The following ANKRD36B variants were observed in gnomAD, a reference collection of about 807,000 sequenced individuals.
ANKRD36B encodes ankyrin repeat domain-containing protein 36B.
A neutral mutation model predicts 135.7 loss-of-function variants in ANKRD36B; 37 were observed. That is an observed-to-expected ratio of 0.27 (90% CI 0.21 to 0.36). The LOEUF (loss-of-function observed/expected upper bound fraction) is 0.36, where lower values mean the gene tolerates loss of function less well. Ranked by LOEUF, ANKRD36B falls within the 10% of genes least tolerant of loss-of-function variation. The pLI, the probability that ANKRD36B is intolerant of heterozygous loss-of-function variation, is 1.00. For missense variants in ANKRD36B, 549 were observed against 1,037.1 expected (o/e 0.53, Z 6.46); for synonymous variants, 179 against 348.1 (o/e 0.51, Z 5.41).
At chr2:97,570,447 G>A (rs2081765257) in intron 6 of ANKRD36B, among the ~76,000 whole-genome samples, 1 of 152,326 alleles carries the variant, frequency 6.6e-6, no homozygotes, top group East Asian at 1.9e-4. Flanking sequence ...GTAGCTCACT[G>A]TACCTAAACT....
intron 4 of ANKRD36B, among the ~76,000 whole-genome samples, chr2:97,579,728 C>G (rs1342515264): frequency 8.0e-6 from 1 of 124,564 alleles, no homozygotes; most frequent in Admixed American, 7.9e-5. Flanking sequence ...TTCTTACATA[C>G]ATATGTGTGT....
At chr2:97,569,647 G>A (rs912589842) in intron 6 of ANKRD36B, among the ~76,000 whole-genome samples, 9 of 151,240 alleles carry the variant, frequency 6.0e-5, no homozygotes, top group African/African-American at 1.7e-4. Context: ...CTATGAACGT[G>A]AGGGGGGATG....
intron 1 of ANKRD36B, among the ~76,000 whole-genome samples, chr2:97,587,365 GAAGAA>G (rs2083083742): frequency 6.6e-6 from 1 of 152,078 alleles, no homozygotes; most frequent in Non-Finnish European, 1.5e-5. Context: ...TGCCAGAAAA[GAAGAA>G]ATGTTATATT....
intron 6 of ANKRD36B, among the ~76,000 whole-genome samples, chr2:97,562,913 C>A (rs966416092): frequency 6.6e-6 from 1 of 152,014 alleles, no homozygotes; most frequent in African/African-American, 2.4e-5. Context: ...GTTTGAGTAT[C>A]TATCATCTCT....
At position 97,547,607 on chromosome 2, in the gene ANKRD36B, G is replaced by C; in HGVS notation, c.1508C>G (p.Ala503Gly). The C allele has an allele frequency of 6.4e-7, 1 of 1,573,320 alleles. No homozygotes were observed. The highest frequency in any genetic ancestry group is 8.7e-7 in the Non-Finnish European group (1 of 1,154,044). Reference sequence around the variant, plus strand: ...AAGAGAATCTTTCTCGTCTCTTGTAGCCTGAATGGAATTTGAAATGAAATA... The same window carrying C: ...AAGAGAATCTTTCTCGTCTCTTGTACCCTGAATGGAATTTGAAATGAAATA... ...VSFEQPPGLKATRDEKDSLLN... is the reference protein window; with the variant it reads ...VSFEQPPGLKGTRDEKDSLLN... Residue 503 changes from alanine to glycine, a missense_variant and splice_region_variant, in exon 22 of 44, where the codon GCT becomes GGT. By Grantham distance (60) the Ala-to-Gly change is moderately conservative. Coordinates refer to ENST00000359901, the MANE Select transcript of ANKRD36B (RefSeq NM_001393939.1).
At position 97,548,986 on chromosome 2, in the gene ANKRD36B, G is replaced by A. The variant is rs570765136; in HGVS notation, c.1477+433C>T. Among the ~76,000 whole-genome samples the A allele has an allele frequency of 8.0e-4, 121 of 151,908 alleles. No homozygotes were observed. In the South Asian group the frequency reaches 0.013, roughly 16 times the overall value. On this transcript the variant is annotated intron_variant, in intron 20 of 43. Transcript: ENST00000359901. The stretch of plus-strand genomic sequence containing the variant: ...TGGGAAAATGATTGCTACACCAGGG[G>A]TCTCCTTAGTTCTCCTACAGTGTGT...
At chr2:97,540,669 C>T (rs2079107898) in intron 28 of ANKRD36B, among the ~76,000 whole-genome samples, 1 of 95,542 alleles carries the variant, frequency 1.0e-5, no homozygotes, top group Admixed American at 9.4e-5. Flanking sequence ...TTTAACTTGC[C>T]CGATAACAGA....
At position 97,539,056 on chromosome 2, in the gene ANKRD36B, A is replaced by G. The variant is rs1470138909; in HGVS notation, c.1988-693T>C. The stretch of plus-strand genomic sequence containing the variant: ...AGTATAATATATAAACCATATCAAA[A>G]AGTATAATAAATGATCAAATGACAA... On this transcript the variant is annotated intron_variant, in intron 30 of 43. Transcript: ENST00000359901. Among the ~76,000 whole-genome samples, 2 of 97,170 alleles carry G rather than the reference A, an allele frequency of 2.1e-5. 1 individual carries two copies. The highest frequency in any genetic ancestry group is 5.5e-5 in the Non-Finnish European group (2 of 36,530). The allele number at this position is 97,170 out of a possible 152,430, so 63.7% of individuals were successfully genotyped here.
At position 97,541,368 on chromosome 2, in the gene ANKRD36B, G is replaced by C. The variant is rs1209971870; in HGVS notation, c.1885+543C>G. Among the ~76,000 whole-genome samples, 37 of 95,990 alleles carry C rather than the reference G, an allele frequency of 3.9e-4. 15 individuals are homozygous for C. The highest frequency in any genetic ancestry group is 9.2e-4 in the Non-Finnish European group (33 of 35,998). The allele number at this position is 95,990 out of a possible 152,430, so 63.0% of individuals were successfully genotyped here. On this transcript the variant is annotated intron_variant, in intron 28 of 43. Coordinates refer to ENST00000359901, the MANE Select transcript of ANKRD36B (RefSeq NM_001393939.1). ...TGCAAATATTCCAAATTTATCTGAA[G>C]TGAGTTCACTCAGCTTTCCTCAACA...
At chr2:97,562,635 C>T (rs2081129251) in intron 6 of ANKRD36B, among the ~76,000 whole-genome samples, 1 of 152,030 alleles carries the variant, frequency 6.6e-6, no homozygotes. Flanking sequence ...ATTTGACATA[C>T]ATTTTTTTCG....
intron 6 of ANKRD36B, among the ~76,000 whole-genome samples, chr2:97,564,908 A>G (rs2081320328): frequency 6.6e-6 from 1 of 152,182 alleles, no homozygotes; most frequent in East Asian, 1.9e-4. Flanking sequence ...AATTCTGTGA[A>G]GAAAGTCAAT....
chr2:97,578,559 T>C (rs1353694145), intron 5 of ANKRD36B, among the ~76,000 whole-genome samples: 1 of 152,016 alleles, frequency 6.6e-6, no homozygotes, highest in African/African-American at 2.4e-5. Flanking sequence ...ACTGGACATT[T>C]TGAGACCCAA....
At chr2:97,548,022 C>T (rs1369774482) in intron 20 of ANKRD36B, among the ~76,000 whole-genome samples, 1 of 151,702 alleles carries the variant, frequency 6.6e-6, no homozygotes, top group Non-Finnish European at 1.5e-5. Flanking sequence ...GTGATGAGGA[C>T]AAAGTGATCT....
intron 3 of ANKRD36B, among the ~76,000 whole-genome samples, chr2:97,582,521 CAA>C (rs1245652087): frequency 6.6e-6 from 1 of 151,878 alleles, no homozygotes. Flanking sequence ...GCACAGCATC[CAA>C]AACCTGAGAT....
rs145082141 is a variant in ANKRD36B at position 97,545,915 on chromosome 2, C to T, written c.1580-54G>A. On this transcript the variant is annotated intron_variant, in intron 22 of 43. Coordinates refer to ENST00000359901, the MANE Select transcript of ANKRD36B (RefSeq NM_001393939.1). Reference sequence around the variant, plus strand: ...TCATACATAAATATGATAAAGTTATCCATACATTCATACAGTGTTAGCATC... The same window carrying T: ...TCATACATAAATATGATAAAGTTATTCATACATTCATACAGTGTTAGCATC... 0.012 allele frequency: 10,186 copies of T among 878,294 alleles called. 2,770 individuals are homozygous for T. The East Asian group carries it at 0.15, about 13-fold the overall frequency. The allele number at this position is 878,294 out of a possible 1,614,324, so 54.4% of individuals were successfully genotyped here.
chr2:97,537,087 A>C lies in ANKRD36B; in HGVS notation c.2090-591T>G, dbSNP rs956748609. 8.3e-5 allele frequency among the ~76,000 whole-genome samples: 8 copies of C among 96,544 alleles called. 3 individuals are homozygous for C. Among genetic ancestry groups the C allele is most frequent in the Non-Finnish European group, 2.2e-4 (8 of 36,364 alleles). The allele number at this position is 96,544 out of a possible 152,430, so 63.3% of individuals were successfully genotyped here. ...ATTTATCATGCCCATGTGGTGTAAT[A>C]GTCTGCCTACATTTCTTATATCCTC... On this transcript the variant is annotated intron_variant, in intron 32 of 43. Transcript: ENST00000359901.
intron 43 of ANKRD36B, among the ~76,000 whole-genome samples, chr2:97,496,133 T>G (rs1390868075): frequency 9.8e-6 from 1 of 102,380 alleles, no homozygotes; most frequent in African/African-American, 2.7e-5. Flanking sequence ...ATAAGTACAA[T>G]GGTATTATTG....
At chr2:97,533,186 C>A (rs2078691195) in intron 34 of ANKRD36B, among the ~76,000 whole-genome samples, 1 of 96,988 alleles carries the variant, frequency 1.0e-5, no homozygotes, top group Admixed American at 9.2e-5. Flanking sequence ...AAGACTCAGA[C>A]AGCTATGTGA....
At chr2:97,582,526 C>G (rs1248800229) in intron 3 of ANKRD36B, among the ~76,000 whole-genome samples, 1 of 151,962 alleles carries the variant, frequency 6.6e-6, no homozygotes, top group African/African-American at 2.4e-5. Context: ...GCATCCAAAA[C>G]CTGAGATAGG....
Sources: allele counts gnomAD v4.1 joint callset (sites outside exome capture counted in the v4.1 genomes callset), GRCh38; gene constraint gnomAD v4.1.1; transcripts MANE v1.5; gene names NCBI Gene and HGNC (gene_info 2026-07-23, HGNC 2026-07-21).